The following SUSD6 variants were observed in gnomAD, a reference collection of about 807,000 sequenced individuals.
The protein encoded by SUSD6 is sushi domain containing 6, also known as sushi domain-containing protein 6.
Under a neutral mutation model 28.4 loss-of-function variants are expected in SUSD6, and 16 were observed. The observed-to-expected ratio is 0.56, with a 90% confidence interval of 0.38 to 0.86. The LOEUF (loss-of-function observed/expected upper bound fraction) is 0.86. SUSD6 is among the 40% of genes least tolerant of loss of function. SUSD6 has a pLI of 0.00. For synonymous variants in SUSD6, 147 were observed against 159.6 expected (o/e 0.92, Z 0.59); for missense variants, 341 against 384.2 (o/e 0.89, Z 0.94).
intron 1 of SUSD6, among the ~76,000 whole-genome samples, chr14:69,632,886 G>C (rs1217888387): frequency 6.6e-6 from 1 of 152,098 alleles, no homozygotes; most frequent in African/African-American, 2.4e-5. Context: ...CGCCCTCCCA[G>C]TTCTTTCTTT....
At chr14:69,636,861 A>T (rs1005109905) in intron 1 of SUSD6, among the ~76,000 whole-genome samples, 5 of 152,136 alleles carry the variant, frequency 3.3e-5, no homozygotes, top group Non-Finnish European at 5.9e-5. Flanking sequence ...TATATGAGGA[A>T]ACTTTGTTTG....
At chr14:69,662,691 C>T (rs1203956957) in intron 2 of SUSD6, among the ~76,000 whole-genome samples, 1 of 152,186 alleles carries the variant, frequency 6.6e-6, no homozygotes, top group African/African-American at 2.4e-5. Flanking sequence ...TTGGACTAGG[C>T]GGAATTAAGA....
intron 1 of SUSD6, among the ~76,000 whole-genome samples, chr14:69,651,315 G>C (rs1011365912): frequency 6.6e-6 from 1 of 152,186 alleles, no homozygotes; most frequent in Non-Finnish European, 1.5e-5. Context: ...TGGGGAAAGC[G>C]TGTTGCCCAG....
intron 2 of SUSD6, among the ~76,000 whole-genome samples, chr14:69,690,067 A>G (rs942418037): frequency 3.3e-5 from 5 of 152,236 alleles, no homozygotes; most frequent in Non-Finnish European, 7.3e-5. Flanking sequence ...GCATTTAGAC[A>G]TAGTTATCTA....
chr14:69,633,125 G>A (rs1885218615), intron 1 of SUSD6, among the ~76,000 whole-genome samples: 1 of 152,214 alleles, frequency 6.6e-6, no homozygotes, highest in South Asian at 2.1e-4. Flanking sequence ...AGGCCTTTAG[G>A]AAATGATTGT....
intron 2 of SUSD6, among the ~76,000 whole-genome samples, chr14:69,699,539 CTT>C (rs61008483): frequency 7.3e-5 from 10 of 136,710 alleles, no homozygotes; most frequent in Non-Finnish European, 8.0e-5. Context: ...AATGACTTGC[CTT>C]TTTTTTTTTT....
chr14:69,641,764 A>C (rs1038785409), intron 1 of SUSD6, among the ~76,000 whole-genome samples: 3 of 150,238 alleles, frequency 2.0e-5, no homozygotes, highest in Non-Finnish European at 3.0e-5. Flanking sequence ...TAATTTAAAA[A>C]AAATTTTTTT....
intron 2 of SUSD6, chr14:69,670,566 G>A (rs1159083191): frequency 4.4e-6 from 2 of 453,562 alleles, no homozygotes; most frequent in Non-Finnish European, 8.9e-6. Flanking sequence ...AGAAGGCAGT[G>A]CCTTGGGCCA....
At position 69,709,041 on chromosome 14, in the gene SUSD6, GCAGATT is replaced by G; in HGVS notation, c.828_833del (p.Asp276_Ser277del). 17 of 1,613,816 alleles carry G rather than the reference GCAGATT, an allele frequency of 1.1e-5. No homozygotes were observed. Among genetic ancestry groups the G allele is most frequent in the Non-Finnish European group, 1.4e-5 (17 of 1,179,950 alleles). On this transcript the variant is annotated inframe_deletion, in exon 5 of 6. Transcript: ENST00000342745. ...CCGCCAACTGGCACACAAAGAAACT[GCAGATT>G]CAGAGAACAGTGACATACAAAGCCT...
chr14:69,677,407 C>T (rs1236479305), intron 2 of SUSD6, among the ~76,000 whole-genome samples: 5 of 152,024 alleles, frequency 3.3e-5, no homozygotes, highest in Admixed American at 6.5e-5. Context: ...ATTAGCTGGG[C>T]GTGGTGGTGG....
rs142380676 is a variant in SUSD6, at chr14:69,689,988, AAGTTATT to A, written c.122-13398_122-13392del. ...TGTTTTTTTACTCTCTTTTGAGTGAAAGTTATTAGTTATTAAACCTGCTGTCTGGAGG... is the reference window on the plus strand; with the variant it reads ...TGTTTTTTTACTCTCTTTTGAGTGAAAGTTATTAAACCTGCTGTCTGGAGG... On this transcript the variant is annotated intron_variant, in intron 2 of 5. Coordinates refer to ENST00000342745, the MANE Select transcript of SUSD6 (RefSeq NM_014734.4). 3.4e-3 allele frequency among the ~76,000 whole-genome samples: 523 copies of A among 152,284 alleles called. 20 individuals carry two copies. In the East Asian group the frequency reaches 0.081, roughly 24 times the overall value.
chr14:69,693,484 C>G (rs548896204), intron 2 of SUSD6, among the ~76,000 whole-genome samples: 1 of 152,122 alleles, frequency 6.6e-6, no homozygotes, highest in Admixed American at 6.5e-5. Flanking sequence ...GCAAACAACA[C>G]CCCCCAAAGT....
chr14:69,670,040 C>G (rs1439041752), intron 2 of SUSD6, among the ~76,000 whole-genome samples: 2 of 152,216 alleles, frequency 1.3e-5, no homozygotes, highest in East Asian at 3.9e-4. Flanking sequence ...GCTCCAAACC[C>G]TAATGACCCT....
At chr14:69,659,260 G>T (rs1885628461) in intron 2 of SUSD6, among the ~76,000 whole-genome samples, 1 of 152,186 alleles carries the variant, frequency 6.6e-6, no homozygotes, top group African/African-American at 2.4e-5. Context: ...GGTAGTTGAA[G>T]TATTGTAATT....
At chr14:69,693,956 C>G (rs1017217232) in intron 2 of SUSD6, among the ~76,000 whole-genome samples, 1 of 152,238 alleles carries the variant, frequency 6.6e-6, no homozygotes, top group African/African-American at 2.4e-5. Flanking sequence ...ATTGACTCAT[C>G]TCAAATCAAA....
chr14:69,675,478 G>C (rs1212824848), intron 2 of SUSD6, among the ~76,000 whole-genome samples: 3 of 152,112 alleles, frequency 2.0e-5, no homozygotes, highest in Non-Finnish European at 4.4e-5. Context: ...CAAACCTTGG[G>C]AACTGTAGTC....
chr14:69,632,469 CCTT>C (rs1566590864), intron 1 of SUSD6, among the ~76,000 whole-genome samples: 96 of 152,248 alleles, frequency 6.3e-4, no homozygotes, highest in African/African-American at 2.3e-3. Context: ...TGTAATGCTT[CCTT>C]CCCCTTTTCT....
In SUSD6 at chr14:69,711,239, A is replaced by G; in HGVS notation, c.*260A>G. ...TCCCATCTGTCAGAGACATATTTGA[A>G]TGTGCTGGATCAAACCCTCCCTTTT... On this transcript the variant is annotated 3_prime_UTR_variant, in exon 6 of 6. Coordinates refer to ENST00000342745, the MANE Select transcript of SUSD6 (RefSeq NM_014734.4). 1.9e-6 allele frequency: 1 copy of G among 540,462 alleles called. No homozygotes were observed. Among genetic ancestry groups the G allele is most frequent in the East Asian group, 3.1e-5 (1 of 31,950 alleles). 33.5% of individuals were successfully genotyped at this position (540,462 alleles called of 1,614,324 possible).
intron 2 of SUSD6, among the ~76,000 whole-genome samples, chr14:69,683,409 A>G (rs1594716548): frequency 1.3e-5 from 2 of 152,332 alleles, no homozygotes; most frequent in East Asian, 3.9e-4. Flanking sequence ...GGTGAACAAA[A>G]TGGTATTTAA....
Sources: allele counts gnomAD v4.1 joint callset (sites outside exome capture counted in the v4.1 genomes callset), GRCh38; gene constraint gnomAD v4.1.1; transcripts MANE v1.5; gene names NCBI Gene and HGNC (gene_info 2026-07-23, HGNC 2026-07-21).